XYLT1: variants seen among roughly 807,000 people sequenced by gnomAD.
XYLT1 encodes the protein beta-D-xylosyltransferase 1.
In XYLT1, 36 loss-of-function variants were observed where a neutral mutation model predicts 91.3. The observed-to-expected ratio is 0.39, with a 90% confidence interval of 0.30 to 0.52. XYLT1 has a LOEUF of 0.52. Ranked by LOEUF, XYLT1 falls within the 20% of genes least tolerant of loss-of-function variation. The pLI is 0.68. For missense variants in XYLT1, 1,242 were observed against 1,284.5 expected (o/e 0.97, Z 0.51); for synonymous variants, 588 against 532.0 (o/e 1.11, Z -1.45).
chr16:17,270,445 A>G (rs2141771723), intron 2 of XYLT1, among the ~76,000 whole-genome samples: 2 of 152,364 alleles, frequency 1.3e-5, no homozygotes, highest in East Asian at 3.9e-4. Context: ...AAGGGACTGC[A>G]GGCAGGTGGC....
chr16:17,426,625 C>A (rs531023146), intron 1 of XYLT1, among the ~76,000 whole-genome samples: 2 of 152,308 alleles, frequency 1.3e-5, no homozygotes, highest in East Asian at 3.9e-4. Flanking sequence ...TGAGTCAGAT[C>A]CAGTCTACCA....
At chr16:17,301,314 G>C (rs886337301) in intron 2 of XYLT1, among the ~76,000 whole-genome samples, 4 of 152,064 alleles carry the variant, frequency 2.6e-5, no homozygotes, top group Non-Finnish European at 5.9e-5. Context: ...GGAAGCTGAG[G>C]CACGAAAATC....
chr16:17,364,338 A>C (rs1416745152), intron 1 of XYLT1, among the ~76,000 whole-genome samples: 1 of 152,234 alleles, frequency 6.6e-6, no homozygotes, highest in Non-Finnish European at 1.5e-5. Context: ...CTTAACAGGT[A>C]TAAACCCAGA....
At chr16:17,397,827 CTTTTTTTTT>C (rs749199983) in intron 1 of XYLT1, among the ~76,000 whole-genome samples, 8 of 108,732 alleles carry the variant, frequency 7.4e-5, no homozygotes, top group African/African-American at 3.1e-4. Flanking sequence ...TTGAATAGCT[CTTTTTTTTT>C]TTTTTTTTTT....
chr16:17,255,907 C>A (rs2033623215), intron 3 of XYLT1, among the ~76,000 whole-genome samples: 1 of 152,050 alleles, frequency 6.6e-6, no homozygotes, highest in African/African-American at 2.4e-5. Context: ...ACTCGGGAGG[C>A]TAAGGCAGGA....
intron 2 of XYLT1, among the ~76,000 whole-genome samples, chr16:17,322,874 C>T (rs2034745371): frequency 6.6e-6 from 1 of 152,236 alleles, no homozygotes; most frequent in Admixed American, 6.5e-5. Context: ...CTGCCTTGTG[C>T]AGTGCTGTAT....
chr16:17,421,952 C>T (rs1381775102), intron 1 of XYLT1, among the ~76,000 whole-genome samples: 1 of 152,074 alleles, frequency 6.6e-6, no homozygotes, highest in African/African-American at 2.4e-5. Flanking sequence ...ATGTTCCCAC[C>T]TAAGCCTTCC....
At chr16:17,255,309 T>C (rs2033614790) in intron 3 of XYLT1, among the ~76,000 whole-genome samples, 1 of 152,124 alleles carries the variant, frequency 6.6e-6, no homozygotes, top group Admixed American at 6.5e-5. Flanking sequence ...AGCCTATTTT[T>C]ATAAGTTAGG....
chr16:17,253,056 A>G (rs191221996), intron 3 of XYLT1, among the ~76,000 whole-genome samples: 5 of 152,338 alleles, frequency 3.3e-5, no homozygotes, highest in Non-Finnish European at 7.4e-5. Flanking sequence ...CCTCCTAAGC[A>G]GAGGGAAATC....
rs572639153 is a variant in XYLT1, at chr16:17,134,892, G to A, written c.1765-157C>T. Among the ~76,000 whole-genome samples the A allele has an allele frequency of 4.6e-5, 7 of 152,276 alleles. No individual in the cohort carries two copies. In the East Asian group the frequency reaches 1.2e-3, roughly 25 times the overall value. On this transcript the variant is annotated intron_variant, in intron 8 of 11. Transcript: ENST00000261381. ...CTCTGTGTTCTCAGTTTCAACATCTGTAAAATGGGTTATAATAAGGGTGTG... is the reference window on the plus strand; with the variant it reads ...CTCTGTGTTCTCAGTTTCAACATCTATAAAATGGGTTATAATAAGGGTGTG...
chr16:17,199,371 T>C (rs1225425982), intron 4 of XYLT1, among the ~76,000 whole-genome samples: 1 of 152,234 alleles, frequency 6.6e-6, no homozygotes, highest in African/African-American at 2.4e-5. Flanking sequence ...TTTGTTGACA[T>C]GTTCTCCTTG....
At chr16:17,323,602 C>T (rs1287362082) in intron 2 of XYLT1, among the ~76,000 whole-genome samples, 1 of 152,190 alleles carries the variant, frequency 6.6e-6, no homozygotes, top group Non-Finnish European at 1.5e-5. Flanking sequence ...CATCACGGTT[C>T]ACTTTATTCC....
At chr16:17,221,794 G>GT (rs1031517590) in intron 3 of XYLT1, among the ~76,000 whole-genome samples, 12 of 152,174 alleles carry the variant, frequency 7.9e-5, no homozygotes. Flanking sequence ...GAAGTTGACA[G>GT]TTCCTTTGTG....
intron 2 of XYLT1, among the ~76,000 whole-genome samples, chr16:17,335,647 T>C (rs1016966709): frequency 1.4e-5 from 2 of 146,962 alleles, no homozygotes; most frequent in Non-Finnish European, 3.0e-5. Flanking sequence ...TGAGCCGAGA[T>C]AGCGTCATTG....
intron 3 of XYLT1, among the ~76,000 whole-genome samples, chr16:17,206,882 G>A (rs1232361808): frequency 5.3e-5 from 8 of 152,166 alleles, no homozygotes; most frequent in Non-Finnish European, 4.4e-5. Flanking sequence ...CCACTTGGGT[G>A]TGCCAGACTC....
intron 5 of XYLT1, among the ~76,000 whole-genome samples, chr16:17,189,388 C>A (rs1263849502): frequency 6.6e-6 from 1 of 152,188 alleles, no homozygotes; most frequent in Non-Finnish European, 1.5e-5. Flanking sequence ...TCTACAACCC[C>A]CCATGGCCAA....
intron 2 of XYLT1, among the ~76,000 whole-genome samples, chr16:17,282,541 G>A (rs1370912880): frequency 6.6e-6 from 1 of 152,224 alleles, no homozygotes; most frequent in African/African-American, 2.4e-5. Flanking sequence ...ATGCAGACAA[G>A]GCTGGCTTGC....
intron 1 of XYLT1, among the ~76,000 whole-genome samples, chr16:17,450,050 T>A (rs2036644504): frequency 6.6e-6 from 1 of 152,010 alleles, no homozygotes; most frequent in Admixed American, 6.6e-5. Flanking sequence ...TAATAAAAGG[T>A]GAGAAGGACC....
chr16:17,252,143 G>T (rs1216980556), intron 3 of XYLT1, among the ~76,000 whole-genome samples: 1 of 152,070 alleles, frequency 6.6e-6, no homozygotes, highest in Non-Finnish European at 1.5e-5. Context: ...AAAAGTCATT[G>T]TGGTAATACT....
Sources: gnomAD v4.1 joint callset for allele counts (sites outside exome capture counted in the v4.1 genomes callset) on GRCh38, gnomAD v4.1.1 for gene constraint, MANE v1.5 for transcripts, NCBI Gene and HGNC (gene_info 2026-07-23, HGNC 2026-07-21) for gene names.